Variants in PRKG1 observed in about 807,000 individuals in gnomAD.
PRKG1 encodes the protein cGMP-dependent protein kinase 1.
In PRKG1, 35 loss-of-function variants were observed where a neutral mutation model predicts 88.1. The observed-to-expected ratio is 0.40, with a 90% CI of 0.30 to 0.53. The LOEUF (loss-of-function observed/expected upper bound fraction) is 0.53, where lower values mean the gene tolerates loss of function less well. PRKG1 is among the 20% of genes least tolerant of loss of function. The pLI, the probability that PRKG1 is intolerant of heterozygous loss-of-function variation, is 0.59. For missense variants in PRKG1, 540 were observed against 839.8 expected (o/e 0.64, Z 4.41); for synonymous variants, 303 against 292.5 (o/e 1.04, Z -0.37).
chr10:51,675,624 C>G (rs1277344363), intron 3 of PRKG1, among the ~76,000 whole-genome samples: 1 of 152,102 alleles, frequency 6.6e-6, no homozygotes, highest in African/African-American at 2.4e-5. Context: ...ACTTATCTAC[C>G]CAAAGTGTTT....
At chr10:52,293,733 A>G (rs1004494907) in intron 17 of PRKG1, 69 bp from the exon 18 acceptor site, 2 of 1,231,092 alleles carry the variant, frequency 1.6e-6, no homozygotes, top group African/African-American at 3.0e-5. Flanking sequence ...TACAGAATGC[A>G]CTTAAAAATT....
chr10:51,618,672 G>A (rs973283959), intron 3 of PRKG1, among the ~76,000 whole-genome samples: 1 of 152,098 alleles, frequency 6.6e-6, no homozygotes, highest in African/African-American at 2.4e-5. Context: ...GGATTTATGG[G>A]TAATAGAGAG....
chr10:51,220,829 T>C (rs1232918050), intron 2 of PRKG1, among the ~76,000 whole-genome samples: 1 of 152,112 alleles, frequency 6.6e-6, no homozygotes, highest in Non-Finnish European at 1.5e-5. Context: ...CAATTTCAAT[T>C]TGGAGAAGAG....
At chr10:51,066,936 G>A (rs953175875) in intron 1 of PRKG1, among the ~76,000 whole-genome samples, 1 of 151,932 alleles carries the variant, frequency 6.6e-6, no homozygotes, top group African/African-American at 2.4e-5. Flanking sequence ...AGCTTTCTTT[G>A]ACACTCCTCT....
chr10:51,783,079 CT>C (rs1838636483), intron 3 of PRKG1, among the ~76,000 whole-genome samples: 1 of 152,008 alleles, frequency 6.6e-6, no homozygotes, highest in Non-Finnish European at 1.5e-5. Context: ...AAAAAAGTCT[CT>C]TTTAGAAAAA....
Position 52,294,042 on chromosome 10 carries a change from T to C in PRKG1, c.*142T>C, listed in dbSNP as rs1397462310. 1 of 644,652 alleles carries C rather than the reference T, an allele frequency of 1.6e-6. No individual in the cohort carries two copies. The highest frequency in any genetic ancestry group is 2.7e-5 in the East Asian group (1 of 36,406). 39.9% of individuals were successfully genotyped at this position (644,652 alleles called of 1,614,324 possible). A position where few individuals can be genotyped will look rare whatever the true frequency, so the allele number is the denominator to read the frequency against. On this transcript the variant is annotated 3_prime_UTR_variant, in exon 18 of 18. Transcript: ENST00000373980. ...ATCGATGCTGCTCCAGTAACTACAG[T>C]GGCATTAGGACTTACCGCTTAGATG... is the stretch of plus-strand genomic sequence containing the variant.
At chr10:51,347,113 GA>G (rs898787649) in intron 2 of PRKG1, among the ~76,000 whole-genome samples, 39 of 112,144 alleles carry the variant, frequency 3.5e-4, no homozygotes, top group African/African-American at 1.2e-3. Flanking sequence ...CCCTGTTCAT[GA>G]AAAAAACTGG....
intron 3 of PRKG1, among the ~76,000 whole-genome samples, chr10:51,554,796 A>G (rs1335452305): frequency 3.3e-5 from 5 of 151,838 alleles, no homozygotes; most frequent in East Asian, 3.9e-4. Flanking sequence ...TGTTAAATCC[A>G]TGAATGGTAA....
chr10:51,012,535 G>A (rs1173146047), intron 1 of PRKG1, among the ~76,000 whole-genome samples: 1 of 152,150 alleles, frequency 6.6e-6, no homozygotes, highest in Non-Finnish European at 1.5e-5. Flanking sequence ...ATCAGTGAGT[G>A]GCTGAGAAGG....
At chr10:51,812,798 A>T (rs1839490993) in intron 4 of PRKG1, among the ~76,000 whole-genome samples, 2 of 152,082 alleles carry the variant, frequency 1.3e-5, no homozygotes, top group Admixed American at 6.6e-5. Flanking sequence ...TGAGGTACCC[A>T]TTTATTGATC....
chr10:51,332,597 A>G (rs1023153497), intron 2 of PRKG1, among the ~76,000 whole-genome samples: 10 of 152,246 alleles, frequency 6.6e-5, no homozygotes, highest in African/African-American at 2.4e-4. Flanking sequence ...GTTAGGTAGT[A>G]TTAAAGAAAA....
At chr10:51,263,745 G>A (rs989480230) in intron 2 of PRKG1, among the ~76,000 whole-genome samples, 2 of 152,140 alleles carry the variant, frequency 1.3e-5, no homozygotes, top group Non-Finnish European at 2.9e-5. Flanking sequence ...TAAATTTCCT[G>A]CTGATTTATG....
chr10:51,740,567 T>G (rs1005077854), intron 3 of PRKG1, among the ~76,000 whole-genome samples: 1 of 152,182 alleles, frequency 6.6e-6, no homozygotes, highest in Non-Finnish European at 1.5e-5. Context: ...TACTTTTCAT[T>G]CTTTCTGTTG....
intron 3 of PRKG1, among the ~76,000 whole-genome samples, chr10:51,543,525 A>G (rs1446879774): frequency 6.6e-6 from 1 of 152,184 alleles, no homozygotes; most frequent in Non-Finnish European, 1.5e-5. Context: ...CCTCCACTAC[A>G]TACCTGAAAG....
At chr10:52,104,479 G>A (rs1334608934) in intron 7 of PRKG1, among the ~76,000 whole-genome samples, 1 of 151,810 alleles carries the variant, frequency 6.6e-6, no homozygotes, top group Non-Finnish European at 1.5e-5. Context: ...ATCATTTGCT[G>A]AGGTCTTAAA....
intron 3 of PRKG1, among the ~76,000 whole-genome samples, chr10:51,738,481 C>T (rs892756437): frequency 3.3e-5 from 5 of 152,108 alleles, no homozygotes; most frequent in Non-Finnish European, 7.4e-5. Flanking sequence ...GAAGCAGTTG[C>T]AAGAATGAAA....
chr10:51,077,543 C>T (rs186063278), intron 1 of PRKG1, among the ~76,000 whole-genome samples: 104 of 152,052 alleles, frequency 6.8e-4, no homozygotes, highest in Admixed American at 1.4e-3. Flanking sequence ...GTTCTGGTTT[C>T]TTGGTAAATT....
chr10:51,150,092 A>G (rs561150576), intron 1 of PRKG1, among the ~76,000 whole-genome samples: 73 of 151,894 alleles, frequency 4.8e-4, no homozygotes, highest in Non-Finnish European at 6.9e-4. Context: ...AGTAAAGATT[A>G]AAAAAAATCA....
intron 3 of PRKG1, among the ~76,000 whole-genome samples, chr10:51,576,699 T>G (rs891129253): frequency 6.6e-6 from 1 of 152,020 alleles, no homozygotes; most frequent in Non-Finnish European, 1.5e-5. Flanking sequence ...AATATCCCAT[T>G]CCTAAGTGTT....
Sources: allele counts gnomAD v4.1 joint callset (sites outside exome capture counted in the v4.1 genomes callset), GRCh38; gene constraint gnomAD v4.1.1; transcripts MANE v1.5; gene names NCBI Gene and HGNC (gene_info 2026-07-23, HGNC 2026-07-21).